The following GPR107 variants were observed in gnomAD, a reference collection of about 807,000 sequenced individuals.
GPR107 encodes the protein G protein-coupled receptor 107, also known as protein GPR107.
GPR107 carries 31 observed loss-of-function variants against 75.5 expected under a neutral mutation model. That is an observed-to-expected ratio of 0.41 (90% confidence interval 0.31 to 0.55). The LOEUF is 0.55. Ranked by LOEUF, GPR107 falls within the 20% of genes least tolerant of loss-of-function variation. The probability of loss-of-function intolerance (pLI) is 0.26; values close to 1 mark genes in which losing one functional copy is unlikely to be tolerated. For missense variants in GPR107, 572 were observed against 665.7 expected (o/e 0.86, Z 1.55); for synonymous variants, 267 against 251.3 (o/e 1.06, Z -0.59).
intron 1 of GPR107, among the ~76,000 whole-genome samples, chr9:130,071,056 G>A (rs1169358655): frequency 1.7e-4 from 9 of 54,236 alleles, no homozygotes; most frequent in Admixed American, 1.5e-3. Context: ...TTTTTTTTGA[G>A]ACAGAGTCAC....
intron 14 of GPR107, among the ~76,000 whole-genome samples, chr9:130,123,115 G>C (rs570945319): frequency 1.3e-5 from 2 of 152,172 alleles, no homozygotes; most frequent in Non-Finnish European, 2.9e-5. Flanking sequence ...CATGATTTCA[G>C]CTTACTGCAA....
rs184229063 is a variant in GPR107 at position 130,117,188 on chromosome 9, C to T, written c.1307-7727C>T. Among the ~76,000 whole-genome samples the T allele has an allele frequency of 1.0e-3, 152 of 152,220 alleles. 1 individual carries two copies. The highest frequency in any genetic ancestry group is 3.6e-3 in the African/African-American group (149 of 41,524). ...TCTCAAATTCCTGACCTCAGGTGAT[C>T]GGCGCTCCTCAGCCACCCATAGTGC... On this transcript the variant is annotated intron_variant, in intron 14 of 17. Transcript: ENST00000347136.
At chr9:130,096,685 C>T (rs796717976) in intron 9 of GPR107, among the ~76,000 whole-genome samples, 77 of 152,176 alleles carry the variant, frequency 5.1e-4, no homozygotes, top group African/African-American at 1.8e-3. Flanking sequence ...CCAGGCTGGT[C>T]TAGAATTCCT....
intron 9 of GPR107, 124 bp downstream of exon 9, chr9:130,092,505 C>T (rs1240526618): frequency 1.8e-5 from 14 of 775,636 alleles, no homozygotes; most frequent in Non-Finnish European, 3.1e-5. Flanking sequence ...GGGCATCTTC[C>T]CGGAAACAGT....
At chr9:130,111,516 A>T (rs1188807801) in intron 14 of GPR107, among the ~76,000 whole-genome samples, 7 of 152,136 alleles carry the variant, frequency 4.6e-5, no homozygotes, top group Admixed American at 1.3e-4. Flanking sequence ...TGGGCAACAG[A>T]GCCAGACCCT....
Position 130,135,016 on chromosome 9 carries a change from C to A in GPR107, c.1563-9C>A. The A allele has an allele frequency of 1.3e-6, 2 of 1,536,858 alleles. No individual in the cohort carries two copies. The highest frequency in any genetic ancestry group is 1.8e-6 in the Non-Finnish European group (2 of 1,111,262). ...GATGTTCCTAATTGTTTTTTCTTTC[C>A]TTGTTCAGTGTGACAACATCTGGGG... On this transcript the variant is annotated splice_polypyrimidine_tract_variant and intron_variant, in intron 17 of 17. Coordinates refer to ENST00000347136, the MANE Select transcript of GPR107 (RefSeq NM_020960.5).
At chr9:130,129,162 C>T (rs1831758391) in intron 17 of GPR107, 1 of 170,372 alleles carries the variant, frequency 5.9e-6, no homozygotes, top group Admixed American at 5.8e-5. Flanking sequence ...GCTAATGATC[C>T]TCAGACATCC....
chr9:130,107,573 G>C (rs760784187), intron 14 of GPR107, 34 bp downstream of exon 14: 1 of 1,453,418 alleles, frequency 6.9e-7, no homozygotes, highest in Non-Finnish European at 9.7e-7. Flanking sequence ...GTGTTGCTCA[G>C]CTTGCTCTGA....
intron 17 of GPR107, among the ~76,000 whole-genome samples, chr9:130,131,262 C>T (rs897446801): frequency 8.5e-5 from 13 of 152,174 alleles, no homozygotes; most frequent in Non-Finnish European, 1.6e-4. Flanking sequence ...TGCGGGCGCC[C>T]TGTCTGCAGG....
intron 14 of GPR107, among the ~76,000 whole-genome samples, chr9:130,124,025 G>A (rs1232640340): frequency 6.6e-6 from 1 of 152,092 alleles, no homozygotes. Flanking sequence ...TGTTAGTGAT[G>A]TTCATCTTGA....
chr9:130,082,802 A>G (rs1416639085), intron 5 of GPR107, among the ~76,000 whole-genome samples: 2 of 152,010 alleles, frequency 1.3e-5, no homozygotes, highest in Non-Finnish European at 2.9e-5. Context: ...AGTGAAAACA[A>G]AAGATAGATG....
At chr9:130,132,702 C>CT (rs1435541685) in intron 17 of GPR107, among the ~76,000 whole-genome samples, 3 of 152,050 alleles carry the variant, frequency 2.0e-5, no homozygotes, top group Non-Finnish European at 4.4e-5. Context: ...ACGAGAATCA[C>CT]TTGAACCCAG....
intron 12 of GPR107, among the ~76,000 whole-genome samples, chr9:130,101,821 C>G (rs1831037797): frequency 1.3e-5 from 2 of 152,200 alleles, no homozygotes; most frequent in Non-Finnish European, 2.9e-5. Flanking sequence ...CTACCCTGCT[C>G]TGCTTGACCA....
At position 130,112,037 on chromosome 9, in the gene GPR107, G is replaced by A. The variant is rs1261219320; in HGVS notation, c.1306+4498G>A. Among the ~76,000 whole-genome samples the A allele has an allele frequency of 2.0e-5, 3 of 152,138 alleles. No homozygotes were observed. Among genetic ancestry groups the A allele is most frequent in the Non-Finnish European group, 2.9e-5 (2 of 68,034 alleles). ...TGACTGCCCTTGAGCCCGCATCCGC[G>A]TTCCCTTCTCTTTCTCCAGTGTCAT... On this transcript the variant is annotated intron_variant, in intron 14 of 17. Coordinates refer to ENST00000347136, the MANE Select transcript of GPR107 (RefSeq NM_020960.5). The surrounding 1 kb of genome is among the most constrained non-coding windows in gnomAD (Gnocchi z 4.0).
intron 1 of GPR107, among the ~76,000 whole-genome samples, chr9:130,062,963 C>G (rs925721085): frequency 1.3e-5 from 2 of 152,134 alleles, no homozygotes; most frequent in African/African-American, 4.8e-5. Flanking sequence ...CTCCTGGTCT[C>G]AAGCACTCCT....
intron 14 of GPR107, among the ~76,000 whole-genome samples, chr9:130,122,389 T>A (rs75892124): frequency 0.022 from 3,338 of 152,248 alleles, 53 homozygotes; most frequent in Middle Eastern, 0.034. Flanking sequence ...ACAGCAGGTT[T>A]GCATCCAGAG....
intron 14 of GPR107, among the ~76,000 whole-genome samples, chr9:130,109,698 T>C (rs1426075576): frequency 6.6e-6 from 1 of 151,542 alleles, no homozygotes; most frequent in Non-Finnish European, 1.5e-5. Context: ...GCCTCCCAAA[T>C]AGCTGGGATT....
rs1831963515 is a variant in GPR107, at chr9:130,136,601, C to G, written c.*1480C>G. The G allele has an allele frequency of 6.6e-6, 1 of 152,182 alleles. No homozygotes were observed. The highest frequency in any genetic ancestry group is 6.5e-5 in the Admixed American group (1 of 15,268). The allele number at this position is 152,182 out of a possible 1,614,324, so 9.4% of individuals were successfully genotyped here. Reference sequence around the variant, plus strand: ...TGGCTTAGAAGGGTCAGGCAGAAACCACAGGATGTGGGGTCACACTCACTG... The same window carrying G: ...TGGCTTAGAAGGGTCAGGCAGAAACGACAGGATGTGGGGTCACACTCACTG... On this transcript the variant is annotated 3_prime_UTR_variant, in exon 18 of 18. Transcript: ENST00000347136.
At chr9:130,073,451 C>T (rs1666761130) in intron 1 of GPR107, among the ~76,000 whole-genome samples, 1 of 152,142 alleles carries the variant, frequency 6.6e-6, no homozygotes, top group Non-Finnish European at 1.5e-5. Context: ...TGGCTTTTAC[C>T]ATTGACCCAC....
Sources: allele counts gnomAD v4.1 joint callset (sites outside exome capture counted in the v4.1 genomes callset), GRCh38; gene constraint gnomAD v4.1.1; non-coding constraint Gnocchi (gnomAD v3.1); transcripts MANE v1.5; gene names NCBI Gene and HGNC (gene_info 2026-07-23, HGNC 2026-07-21).